Variants in TNR observed in about 807,000 individuals in gnomAD.
TNR encodes the protein tenascin-R.
In TNR, 45 loss-of-function variants were observed where a neutral mutation model predicts 150.4. That is an observed-to-expected ratio of 0.30 (90% CI 0.24 to 0.38). The LOEUF (loss-of-function observed/expected upper bound fraction) is 0.38, where lower values mean the gene tolerates loss of function less well. Among genes scored for constraint, TNR ranks in the 10% least tolerant of loss-of-function variants. The probability of loss-of-function intolerance (pLI) is 1.00; values close to 1 mark genes in which losing one functional copy is unlikely to be tolerated. For missense variants in TNR, 1,544 were observed against 1,759.1 expected (o/e 0.88, Z 2.19); for synonymous variants, 687 against 678.4 (o/e 1.01, Z -0.20).
rs1553201218 is a variant in TNR at position 175,320,725 on chromosome 1, T to TGTGTGTGTGTGTGTGTGTGTGTGTGTGTG, written c.*2631_*2632insCACACACACACACACACACACACACACAC. The TGTGTGTGTGTGTGTGTGTGTGTGTGTGTG allele has an allele frequency of 6.6e-6, 1 of 151,620 alleles. No homozygotes were observed. Among genetic ancestry groups the TGTGTGTGTGTGTGTGTGTGTGTGTGTGTG allele is most frequent in the African/African-American group, 2.4e-5 (1 of 41,142 alleles). The allele number at this position is 151,620 out of a possible 1,614,324, so 9.4% of individuals were successfully genotyped here. On this transcript the variant is annotated 3_prime_UTR_variant, in exon 23 of 23. Coordinates refer to ENST00000367674, the MANE Select transcript of TNR (RefSeq NM_003285.3). ...GTGTGTGTGTGTGTGTGTGTGTGTG[T>TGTGTGTGTGTGTGTGTGTGTGTGTGTGTG]TTTACTTATGACTCCTGAATCAATC...
chr1:175,490,534 C>A (rs1054876559), intron 2 of TNR, among the ~76,000 whole-genome samples: 6 of 151,430 alleles, frequency 4.0e-5, no homozygotes, highest in Admixed American at 6.6e-5. Flanking sequence ...CAAGAAAAAA[C>A]CAATCCCATT....
intron 4 of TNR, among the ~76,000 whole-genome samples, chr1:175,400,055 TGCTGGCTCCGGG>T (rs1653625509): frequency 6.6e-6 from 1 of 152,256 alleles, no homozygotes; most frequent in African/African-American, 2.4e-5. Flanking sequence ...TCTTTTATCC[TGCTGGCTCCGGG>T]GGAGTTTTGG....
rs145214239 is a variant in TNR, at chr1:175,502,899, A to AC, written c.-64+25369dup. 6.1e-3 allele frequency among the ~76,000 whole-genome samples: 929 copies of AC among 152,082 alleles called. 12 individuals carry two copies. Among genetic ancestry groups the AC allele is most frequent in the African/African-American group, 0.021 (873 of 41,492 alleles). ...ATGCCCAAGGCTGCAGGATGGATGG[A>AC]CCCCCTAGACGAACCAAGGATATTC... On this transcript the variant is annotated intron_variant, in intron 2 of 22. Transcript: ENST00000367674.
chr1:175,499,674 T>C (rs1183960420), intron 2 of TNR, among the ~76,000 whole-genome samples: 3 of 152,234 alleles, frequency 2.0e-5, no homozygotes, highest in Non-Finnish European at 4.4e-5. Flanking sequence ...TCCTTGTAAT[T>C]AGTTCATCAA....
At chr1:175,608,932 T>G (rs897207379) in intron 1 of TNR, among the ~76,000 whole-genome samples, 9 of 151,978 alleles carry the variant, frequency 5.9e-5, no homozygotes, top group Non-Finnish European at 8.8e-5. Context: ...TCAACTTGAG[T>G]GCACACAAGC....
chr1:175,442,283 A>G (rs1369052741), intron 2 of TNR, among the ~76,000 whole-genome samples: 1 of 152,184 alleles, frequency 6.6e-6, no homozygotes, highest in Non-Finnish European at 1.5e-5. Context: ...CATGTAAACC[A>G]GTCTCATAAA....
intron 2 of TNR, among the ~76,000 whole-genome samples, chr1:175,456,145 G>T (rs184482378): frequency 1.3e-5 from 2 of 152,104 alleles, no homozygotes; most frequent in Non-Finnish European, 2.9e-5. Flanking sequence ...TCCTGAATAC[G>T]CCAGGCAAGT....
At chr1:175,686,059 A>G (rs1017236011) in intron 1 of TNR, among the ~76,000 whole-genome samples, 1 of 152,112 alleles carries the variant, frequency 6.6e-6, no homozygotes, top group Non-Finnish European at 1.5e-5. Flanking sequence ...ACACACGCAC[A>G]CACACACACA....
Position 175,331,053 on chromosome 1 carries a change from C to CTT in TNR, c.3632-820_3632-819dup, listed in dbSNP as rs1358244280. On this transcript the variant is annotated intron_variant, in intron 20 of 22. Transcript: ENST00000367674. ...TCTTTCTTTCTTTCTTTCTTTCTTT[C>CTT]TTTCTTTCTTTCTTTCTTTCTTTCC... Among the ~76,000 whole-genome samples the CTT allele has an allele frequency of 7.2e-4, 82 of 113,312 alleles. 1 individual carries two copies. Among genetic ancestry groups the CTT allele is most frequent in the Non-Finnish European group, 1.2e-3 (65 of 53,556 alleles). The allele number at this position is 113,312 out of a possible 152,430, so 74.3% of individuals were successfully genotyped here. A position where few individuals can be genotyped will look rare whatever the true frequency, so the allele number is the denominator to read the frequency against.
intron 1 of TNR, among the ~76,000 whole-genome samples, chr1:175,620,452 C>T (rs566747955): frequency 6.6e-6 from 1 of 152,312 alleles, no homozygotes; most frequent in South Asian, 2.1e-4. Flanking sequence ...CTTAACCTGG[C>T]TTTTATCTGA....
rs149785752 is a variant in TNR, at chr1:175,434,974, G to C, written c.-63-28197C>G. Among the ~76,000 whole-genome samples the C allele has an allele frequency of 4.7e-3, 712 of 152,268 alleles. 1 individual carries two copies. The highest frequency in any genetic ancestry group is 8.0e-3 in the Non-Finnish European group (544 of 68,024). ...TTTTCACTCCCACAGCCAGCACTCT[G>C]TCATTGCACTTTTACGTTGCCTTGG... On this transcript the variant is annotated intron_variant, in intron 2 of 22. Transcript: ENST00000367674.
intron 1 of TNR, among the ~76,000 whole-genome samples, chr1:175,616,791 T>C (rs1663791001): frequency 6.6e-6 from 1 of 152,182 alleles, no homozygotes; most frequent in South Asian, 2.1e-4. Context: ...ACTCCCTGTG[T>C]GACTTTTGCT....
rs1326487802 is a variant in TNR, at chr1:175,737,146, G to A, written c.-165+6080C>T. Among the ~76,000 whole-genome samples, 4 of 152,344 alleles carry A rather than the reference G, an allele frequency of 2.6e-5. No individual in the cohort carries two copies. The South Asian group carries it at 8.3e-4, about 32-fold the overall frequency. On this transcript the variant is annotated intron_variant, in intron 1 of 22. Coordinates refer to ENST00000367674, the MANE Select transcript of TNR (RefSeq NM_003285.3). ...CTACTAGCTGTGTGGCCTTGGGCAA[G>A]CACGTTAGCCTCTCTGAACCCCTCA...
chr1:175,552,548 C>T (rs933992260), intron 1 of TNR, among the ~76,000 whole-genome samples: 4 of 152,168 alleles, frequency 2.6e-5, no homozygotes, highest in African/African-American at 7.2e-5. Context: ...GGCTGATTGG[C>T]TTATTCATTG....
At chr1:175,523,969 C>A (rs1175273904) in intron 2 of TNR, among the ~76,000 whole-genome samples, 1 of 152,174 alleles carries the variant, frequency 6.6e-6, no homozygotes, top group African/African-American at 2.4e-5. Flanking sequence ...CTTGCCCATG[C>A]TGCTCCTCCT....
At chr1:175,740,091 G>C (rs1667882545) in intron 1 of TNR, among the ~76,000 whole-genome samples, 1 of 152,224 alleles carries the variant, frequency 6.6e-6, no homozygotes, top group South Asian at 2.1e-4. Context: ...CTGGGGAGCA[G>C]AATGTACCCC....
chr1:175,612,603 C>T (rs1382268436), intron 1 of TNR, among the ~76,000 whole-genome samples: 5 of 152,140 alleles, frequency 3.3e-5, no homozygotes, highest in Non-Finnish European at 7.4e-5. Context: ...TTACCCAAAA[C>T]CCCCCACTTT....
At chr1:175,624,629 C>T (rs1483793322) in intron 1 of TNR, among the ~76,000 whole-genome samples, 1 of 152,178 alleles carries the variant, frequency 6.6e-6, no homozygotes, top group Non-Finnish European at 1.5e-5. Flanking sequence ...TCAAAGAAAT[C>T]TTGGCCCTGC....
intron 1 of TNR, among the ~76,000 whole-genome samples, chr1:175,577,145 T>C (rs780191128): frequency 3.3e-5 from 5 of 152,112 alleles, no homozygotes; most frequent in Non-Finnish European, 7.4e-5. Context: ...GTACAAGATG[T>C]AGGCTACAGA....
Sources: gnomAD v4.1 joint callset for allele counts (sites outside exome capture counted in the v4.1 genomes callset) on GRCh38, gnomAD v4.1.1 for gene constraint, MANE v1.5 for transcripts, NCBI Gene and HGNC (gene_info 2026-07-23, HGNC 2026-07-21) for gene names.